Variants in C20orf203 observed in about 807,000 individuals in gnomAD.
The protein encoded by C20orf203 is chromosome 20 open reading frame 203.
A neutral mutation model predicts 15.9 loss-of-function variants in C20orf203; 16 were observed. That is an observed-to-expected ratio of 1.01 (90% CI 0.68 to 1.53). The LOEUF (loss-of-function observed/expected upper bound fraction) is 1.53, where lower values mean the gene tolerates loss of function less well. C20orf203 is among the 40% of genes most tolerant of loss of function. The pLI is 0.00. For synonymous variants in C20orf203, 98 were observed against 97.2 expected (o/e 1.01, Z -0.05); for missense variants, 263 against 247.5 (o/e 1.06, Z -0.42).
chr20:32,634,104 A>C lies in C20orf203; in HGVS notation c.*1466T>G. ...AGCCTGAGCTTTGTCCTTGGGGGACACAGAAAACAACAAAGAAATGGCACT... is the reference window on the plus strand; with the variant it reads ...AGCCTGAGCTTTGTCCTTGGGGGACCCAGAAAACAACAAAGAAATGGCACT... On this transcript the variant is annotated 3_prime_UTR_variant, in exon 6 of 6. Coordinates refer to ENST00000608990, the MANE Select transcript of C20orf203 (RefSeq NM_182584.4). The C allele has an allele frequency of 2.5e-6, 1 of 398,652 alleles. No homozygotes were observed. Among genetic ancestry groups the C allele is most frequent in the Non-Finnish European group, 4.4e-6 (1 of 226,098 alleles). 24.7% of individuals were successfully genotyped at this position (398,652 alleles called of 1,614,324 possible).
intron 4 of C20orf203, among the ~76,000 whole-genome samples, chr20:32,643,072 G>C (rs1477831671): frequency 1.3e-5 from 2 of 152,160 alleles, no homozygotes; most frequent in Non-Finnish European, 2.9e-5. Context: ...ACTCTCCTGA[G>C]ACCAGCCGCC....
chr20:32,661,069 G>A (rs2145678903), intron 1 of C20orf203, among the ~76,000 whole-genome samples: 1 of 152,336 alleles, frequency 6.6e-6, no homozygotes, highest in East Asian at 1.9e-4. Flanking sequence ...AGGAGGGAAA[G>A]AGGAAGGGAC....
Position 32,666,797 on chromosome 20 carries a change from T to TTTTATATATATATATATATATATATATA in C20orf203, c.-264+6834_-264+6835insTATATATATATATATATATATATATAAA, listed in dbSNP as rs367964394. Among the ~76,000 whole-genome samples, 135 of 65,582 alleles carry TTTTATATATATATATATATATATATATA rather than the reference T, an allele frequency of 2.1e-3. 18 individuals carry two copies. The highest frequency in any genetic ancestry group is 3.7e-3 in the Non-Finnish European group (103 of 27,954). The allele number at this position is 65,582 out of a possible 152,430, so 43.0% of individuals were successfully genotyped here. A position where few individuals can be genotyped will look rare whatever the true frequency, so the allele number is the denominator to read the frequency against. On this transcript the variant is annotated intron_variant, in intron 1 of 5. Coordinates refer to ENST00000608990, the MANE Select transcript of C20orf203 (RefSeq NM_182584.4). ...AAAAAAAGATGAAATTAATTTTAATTTATATATATATATATATATATATAT... is the reference window on the plus strand; with the variant it reads ...AAAAAAAGATGAAATTAATTTTAATTTTTATATATATATATATATATATATATATATATATATATATATATATATATAT...
chr20:32,634,616 C>T (rs1196847693), intron 5 of C20orf203, among the ~76,000 whole-genome samples: 2 of 152,116 alleles, frequency 1.3e-5, no homozygotes, highest in Non-Finnish European at 2.9e-5. Context: ...ACGAGTGAAA[C>T]AGCCTCTGTG....
chr20:32,632,108 G>C lies in C20orf203; in HGVS notation c.*3462C>G, dbSNP rs1388249478. The C allele has an allele frequency of 6.6e-6, 1 of 152,144 alleles. No homozygotes were observed. Among genetic ancestry groups the C allele is most frequent in the Non-Finnish European group, 1.5e-5 (1 of 68,076 alleles). 9.4% of individuals were successfully genotyped at this position (152,144 alleles called of 1,614,324 possible). ...TCTAGGACCCCCAGGGCTTAGGCAG[G>C]ATGCCGCGTGGAACCCAGAGCAGTC... On this transcript the variant is annotated 3_prime_UTR_variant, in exon 6 of 6. Coordinates refer to ENST00000608990, the MANE Select transcript of C20orf203 (RefSeq NM_182584.4).
chr20:32,658,812 C>T (rs2145677465), intron 1 of C20orf203, among the ~76,000 whole-genome samples: 1 of 151,726 alleles, frequency 6.6e-6, no homozygotes, highest in African/African-American at 2.4e-5. Context: ...GTCCTCCGGC[C>T]TTGGCGTCCA....
intron 4 of C20orf203, among the ~76,000 whole-genome samples, chr20:32,644,926 G>A (rs1169232211): frequency 7.2e-6 from 1 of 138,834 alleles, no homozygotes; most frequent in East Asian, 2.2e-4. Context: ...AAATTAACAT[G>A]TCCAGGGATG....
chr20:32,651,106 A>C lies in C20orf203; in HGVS notation c.47T>G (p.Leu16Arg). ...VLNSRAQAIL[L>R]PQPPNMLDHR... The stretch of plus-strand genomic sequence containing the variant: ...ATCCAGCATGTTGGGAGGCTGAGGC[A>C]GGAGAATCGCTTGAGCCCGGGAGTT... Residue 16 changes from leucine (L) to arginine (R), a missense_variant, in exon 3 of 6, where the codon CTG (leucine) becomes CGG (arginine). Physicochemically the swap from Leu to Arg is moderately radical, Grantham distance 102. Transcript: ENST00000608990. The C allele has an allele frequency of 7.0e-7, 1 of 1,421,718 alleles. No individual in the cohort carries two copies. Among genetic ancestry groups the C allele is most frequent in the Non-Finnish European group, 9.5e-7 (1 of 1,049,024 alleles). The allele number at this position is 1,421,718 out of a possible 1,614,324, so 88.1% of individuals were successfully genotyped here. A position where few individuals can be genotyped will look rare whatever the true frequency, so the allele number is the denominator to read the frequency against.
chr20:32,639,986 C>T (rs1045767614), intron 5 of C20orf203, among the ~76,000 whole-genome samples: 3 of 152,168 alleles, frequency 2.0e-5, no homozygotes, highest in African/African-American at 7.2e-5. Context: ...CTCACGACTT[C>T]CTGTGGAGGT....
intron 1 of C20orf203, 74 bp downstream of exon 1, chr20:32,673,558 T>C (rs1205853698): frequency 6.6e-6 from 1 of 152,462 alleles, no homozygotes; most frequent in Non-Finnish European, 1.5e-5. Flanking sequence ...GCTGGCTTTT[T>C]TGGTCACCAT....
rs551024771 is a variant in C20orf203, at chr20:32,664,246, T to C, written c.-264+9386A>G. ...GCCAACCAAGTTCACTTAAAAGCAG[T>C]GTTGGAAAGGCACTGACAGTGAGAT... On this transcript the variant is annotated intron_variant, in intron 1 of 5. Transcript: ENST00000608990. 1.6e-3 allele frequency among the ~76,000 whole-genome samples: 244 copies of C among 152,274 alleles called. 1 individual carries two copies. The highest frequency in any genetic ancestry group is 2.6e-3 in the Non-Finnish European group (180 of 68,010).
chr20:32,667,518 C>G (rs531017760), intron 1 of C20orf203, among the ~76,000 whole-genome samples: 2 of 152,228 alleles, frequency 1.3e-5, no homozygotes, highest in Non-Finnish European at 2.9e-5. Flanking sequence ...CCATGTAACC[C>G]TGTTCCTATA....
In C20orf203 at chr20:32,633,995, T is replaced by C. The variant is rs1982071636; in HGVS notation, c.*1575A>G. The C allele has an allele frequency of 5.0e-6, 2 of 398,686 alleles. No individual in the cohort carries two copies. The highest frequency in any genetic ancestry group is 8.8e-6 in the Non-Finnish European group (2 of 226,094). The allele number at this position is 398,686 out of a possible 1,614,324, so 24.7% of individuals were successfully genotyped here. A position where few individuals can be genotyped will look rare whatever the true frequency, so the allele number is the denominator to read the frequency against. On this transcript the variant is annotated 3_prime_UTR_variant, in exon 6 of 6. Transcript: ENST00000608990. ...TCATGCGTTCATTCATGTGTCCAAC[T>C]CTTCACTCCTTTCCTCAACAAACAT... is the stretch of plus-strand genomic sequence containing the variant.
At chr20:32,670,958 G>A (rs1278161565) in intron 1 of C20orf203, among the ~76,000 whole-genome samples, 1 of 151,112 alleles carries the variant, frequency 6.6e-6, no homozygotes, top group Middle Eastern at 3.2e-3. Flanking sequence ...CCAGAGAAAT[G>A]CAAATCAAAA....
At chr20:32,640,326 T>G (rs1982246279) in intron 5 of C20orf203, among the ~76,000 whole-genome samples, 1 of 152,200 alleles carries the variant, frequency 6.6e-6, no homozygotes, top group South Asian at 2.1e-4. Flanking sequence ...ACAATTCCCC[T>G]GTTTAATGCA....
intron 1 of C20orf203, among the ~76,000 whole-genome samples, chr20:32,655,742 A>G (rs572836957): frequency 6.6e-6 from 1 of 152,306 alleles, no homozygotes; most frequent in Non-Finnish European, 1.5e-5. Flanking sequence ...GCAGTGAGCC[A>G]AGATCACACC....
intron 2 of C20orf203, among the ~76,000 whole-genome samples, 151 bp downstream of exon 2, chr20:32,651,582 C>T (rs1982630901): frequency 6.6e-6 from 1 of 152,182 alleles, no homozygotes; most frequent in South Asian, 2.1e-4. Context: ...CAACAGAGCC[C>T]ACCTCAAAGG....
At chr20:32,663,819 C>T (rs934052214) in intron 1 of C20orf203, among the ~76,000 whole-genome samples, 7 of 152,242 alleles carry the variant, frequency 4.6e-5, no homozygotes, top group African/African-American at 1.7e-4. Context: ...GCCTGCACCA[C>T]ACTGTCCCCG....
At chr20:32,652,267 G>A (rs1362540950) in intron 1 of C20orf203, among the ~76,000 whole-genome samples, 1 of 137,392 alleles carries the variant, frequency 7.3e-6, no homozygotes, top group Non-Finnish European at 1.5e-5. Context: ...CTGAGATCGT[G>A]CCAGTGAGCT....
Sources: allele counts gnomAD v4.1 joint callset (sites outside exome capture counted in the v4.1 genomes callset), GRCh38; gene constraint gnomAD v4.1.1; transcripts MANE v1.5; gene names NCBI Gene and HGNC (gene_info 2026-07-23, HGNC 2026-07-21).